TEAD1: variants seen among roughly 807,000 people sequenced by gnomAD.
TEAD1 encodes TEA domain transcription factor 1, also known as transcriptional enhancer factor TEF-1.
Under a neutral mutation model 54.9 loss-of-function variants are expected in TEAD1, and 9 were observed. That is an observed-to-expected ratio of 0.16 (90% CI 0.10 to 0.29). The LOEUF is 0.29. Among genes scored for constraint, TEAD1 ranks in the 10% least tolerant of loss-of-function variants. The pLI, the probability that TEAD1 is intolerant of heterozygous loss-of-function variation, is 1.00. For missense variants in TEAD1, 387 were observed against 535.9 expected (o/e 0.72, Z 2.74); for synonymous variants, 200 against 187.8 (o/e 1.07, Z -0.53).
At chr11:12,813,190 C>T (rs1946342710) in intron 3 of TEAD1, among the ~76,000 whole-genome samples, 1 of 152,130 alleles carries the variant, frequency 6.6e-6, no homozygotes, top group Non-Finnish European at 1.5e-5. Flanking sequence ...AAACTGGGGG[C>T]TCCCTGGGAG....
intron 9 of TEAD1, among the ~76,000 whole-genome samples, chr11:12,895,047 T>A (rs551022095): frequency 2.0e-5 from 3 of 152,156 alleles, no homozygotes; most frequent in Non-Finnish European, 4.4e-5. Context: ...GTGGTGCTAC[T>A]GCTCAGATTC....
chr11:12,881,910 T>C lies in TEAD1; in HGVS notation c.527T>C (p.Val176Ala). The change falls in exon 8 of 13, where the codon GTG (valine) becomes GCG (alanine). Residue 176 changes from valine (V) to alanine (A), a missense_variant. By Grantham distance (64) the Val-to-Ala change is moderately conservative (BLOSUM62 0). Coordinates refer to ENST00000527636, the MANE Select transcript of TEAD1 (RefSeq NM_021961.6). ...TCTGTTCCCAGCGTCAAGCCTTTTG[T>C]GCAGCAGGCCTACCCCATCCAGCCA... 6.2e-7 allele frequency: 1 copy of C among 1,614,198 alleles called. No homozygotes were observed. Among genetic ancestry groups the C allele is most frequent in the Non-Finnish European group, 8.5e-7 (1 of 1,180,026 alleles).
In TEAD1 at chr11:12,683,804, G is replaced by GT. The variant is rs1943275395; in HGVS notation, c.-55+8246dup. Among the ~76,000 whole-genome samples, 4 of 152,286 alleles carry GT rather than the reference G, an allele frequency of 2.6e-5. No individual in the cohort carries two copies. The South Asian group carries it at 8.3e-4, about 32-fold the overall frequency. ...AACTGATTGACATGAACAGTGGGCTGTTTCCTGATTTTGGTTTGGAAAAAG... is the reference window on the plus strand; with the variant it reads ...AACTGATTGACATGAACAGTGGGCTGTTTTCCTGATTTTGGTTTGGAAAAAG... On this transcript the variant is annotated intron_variant, in intron 2 of 12. Coordinates refer to ENST00000527636, the MANE Select transcript of TEAD1 (RefSeq NM_021961.6).
chr11:12,802,849 A>T (rs758936632), intron 3 of TEAD1, among the ~76,000 whole-genome samples: 2 of 152,206 alleles, frequency 1.3e-5, no homozygotes, highest in Non-Finnish European at 2.9e-5. Flanking sequence ...AACTGTCTCC[A>T]TAGCAACACC....
chr11:12,803,083 G>T (rs961478249), intron 3 of TEAD1, among the ~76,000 whole-genome samples: 2 of 151,022 alleles, frequency 1.3e-5, no homozygotes, highest in African/African-American at 4.8e-5. Context: ...AGTTGCGCCT[G>T]CCTAACATTT....
chr11:12,833,150 G>A (rs1280177970), intron 3 of TEAD1, among the ~76,000 whole-genome samples: 2 of 152,198 alleles, frequency 1.3e-5, no homozygotes, highest in Admixed American at 6.5e-5. Flanking sequence ...TTGTGTCCAT[G>A]CAATAATTGA....
intron 12 of TEAD1, among the ~76,000 whole-genome samples, chr11:12,931,790 A>T (rs1382384943): frequency 6.6e-6 from 1 of 152,224 alleles, no homozygotes; most frequent in African/African-American, 2.4e-5. Flanking sequence ...AAAAAAAATA[A>T]GTAACATTTA....
chr11:12,764,500 G>C (rs750560954), intron 3 of TEAD1, 66 bp downstream of exon 3: 19 of 1,574,680 alleles, frequency 1.2e-5, no homozygotes, highest in Non-Finnish European at 1.4e-5. Context: ...ATAGATTGTA[G>C]CTGGTCTTCC....
intron 12 of TEAD1, among the ~76,000 whole-genome samples, chr11:12,935,847 A>G (rs1362318089): frequency 6.6e-6 from 1 of 152,040 alleles, no homozygotes; most frequent in African/African-American, 2.4e-5. Context: ...CTTATATTCC[A>G]CTGGGTGAGA....
At chr11:12,714,649 G>C (rs531711268) in intron 2 of TEAD1, among the ~76,000 whole-genome samples, 2 of 152,208 alleles carry the variant, frequency 1.3e-5, no homozygotes, top group Non-Finnish European at 1.5e-5. Flanking sequence ...TGGGGCTGCT[G>C]TAACAAAGCA....
At chr11:12,756,165 G>A (rs1944980316) in intron 2 of TEAD1, among the ~76,000 whole-genome samples, 1 of 152,194 alleles carries the variant, frequency 6.6e-6, no homozygotes, top group South Asian at 2.1e-4. Flanking sequence ...TTGGCTTGTT[G>A]ATGGGATTCT....
chr11:12,722,861 G>A (rs1944239430), intron 2 of TEAD1, among the ~76,000 whole-genome samples: 1 of 151,958 alleles, frequency 6.6e-6, no homozygotes, highest in Non-Finnish European at 1.5e-5. Flanking sequence ...TAAACCTTAA[G>A]TAAATGCTTT....
intron 3 of TEAD1, among the ~76,000 whole-genome samples, chr11:12,780,111 A>G (rs1254341433): frequency 6.6e-6 from 1 of 152,212 alleles, no homozygotes; most frequent in South Asian, 2.1e-4. Flanking sequence ...GGGAGAAGTC[A>G]AACTATACTG....
chr11:12,916,945 C>T (rs1159346123), intron 10 of TEAD1, among the ~76,000 whole-genome samples: 1 of 152,082 alleles, frequency 6.6e-6, no homozygotes, highest in Non-Finnish European at 1.5e-5. Flanking sequence ...GTCTGTGGTA[C>T]CCGAAGTTCT....
At chr11:12,766,908 G>T (rs761319338) in intron 3 of TEAD1, among the ~76,000 whole-genome samples, 3 of 152,120 alleles carry the variant, frequency 2.0e-5, no homozygotes, top group African/African-American at 4.8e-5. Flanking sequence ...AAGATGCGTT[G>T]GATGCACTGT....
At chr11:12,678,540 A>G (rs936227753) in intron 2 of TEAD1, among the ~76,000 whole-genome samples, 3 of 152,206 alleles carry the variant, frequency 2.0e-5, no homozygotes, top group African/African-American at 7.2e-5. Context: ...AAAAGTGATA[A>G]AATCAGGTAA....
In TEAD1 at chr11:12,943,877, CA is replaced by C. The variant is rs1187885835; in HGVS notation, c.*6657del. ...AAGATTTACTTCTGTAGGCCTTTTT[CA>C]ATAGGCTCATGACTGCAGACAAGGA... is the stretch of plus-strand genomic sequence containing the variant. On this transcript the variant is annotated 3_prime_UTR_variant, in exon 13 of 13. Transcript: ENST00000527636. 1 of 150,650 alleles carries C rather than the reference CA, an allele frequency of 6.6e-6. No homozygotes were observed. The highest frequency in any genetic ancestry group is 2.5e-5 in the African/African-American group (1 of 40,752). The allele number at this position is 150,650 out of a possible 1,614,324, so 9.3% of individuals were successfully genotyped here.
At position 12,770,115 on chromosome 11, in the gene TEAD1, G is replaced by A. The variant is rs1007465485; in HGVS notation, c.202+5681G>A. ...TGCACAAAATATGGACAATAGCAGA[G>A]CAAGGGTTAATTCTGGAATGCTCAG... On this transcript the variant is annotated intron_variant, in intron 3 of 12. Coordinates refer to ENST00000527636, the MANE Select transcript of TEAD1 (RefSeq NM_021961.6). Among the ~76,000 whole-genome samples, 4 of 152,248 alleles carry A rather than the reference G, an allele frequency of 2.6e-5. No individual in the cohort carries two copies. The East Asian group carries it at 7.7e-4, about 29-fold the overall frequency.
At chr11:12,682,896 GA>G (rs1032203032) in intron 2 of TEAD1, among the ~76,000 whole-genome samples, 5 of 152,160 alleles carry the variant, frequency 3.3e-5, no homozygotes, top group African/African-American at 1.2e-4. Flanking sequence ...TAACATGCTT[GA>G]ACATTTTTGA....
Sources: gnomAD v4.1 joint callset for allele counts (sites outside exome capture counted in the v4.1 genomes callset) on GRCh38, gnomAD v4.1.1 for gene constraint, MANE v1.5 for transcripts, NCBI Gene and HGNC (gene_info 2026-07-23, HGNC 2026-07-21) for gene names.